The following RIPOR2 variants were observed in gnomAD, a reference collection of about 807,000 sequenced individuals.
The protein encoded by RIPOR2 is RHO family interacting cell polarization regulator 2, also known as rho family-interacting cell polarization regulator 2.
A neutral mutation model predicts 114.5 loss-of-function variants in RIPOR2; 39 were observed. The ratio of observed to expected loss-of-function variants is 0.34; its 90% CI spans 0.26 to 0.44. The LOEUF (loss-of-function observed/expected upper bound fraction) is 0.44, where lower values mean the gene tolerates loss of function less well. Among genes scored for constraint, RIPOR2 ranks in the 20% least tolerant of loss-of-function variants. The pLI is 1.00. For synonymous variants in RIPOR2, 445 were observed against 484.4 expected (o/e 0.92, Z 1.07); for missense variants, 1,007 against 1,255.1 (o/e 0.80, Z 2.99).
intron 1 of RIPOR2, among the ~76,000 whole-genome samples, chr6:24,902,073 T>G (rs756683224): frequency 3.3e-5 from 5 of 152,108 alleles, no homozygotes; most frequent in African/African-American, 1.2e-4. Context: ...AGGAGGCCTG[T>G]GCAGAAGAGA....
intron 1 of RIPOR2, among the ~76,000 whole-genome samples, chr6:25,028,532 A>G (rs115169968): frequency 1.6e-3 from 239 of 152,330 alleles, no homozygotes; most frequent in African/African-American, 5.5e-3. Flanking sequence ...GGATACAATT[A>G]CCAACCTCAT....
intron 1 of RIPOR2, among the ~76,000 whole-genome samples, chr6:24,900,229 C>T (rs1457924451): frequency 1.3e-5 from 2 of 152,080 alleles, no homozygotes; most frequent in Non-Finnish European, 2.9e-5. Flanking sequence ...CATCCACAGC[C>T]GCAGCACAGC....
chr6:24,917,474 T>C lies in RIPOR2; in HGVS notation c.61+18364A>G, dbSNP rs16889784. Among the ~76,000 whole-genome samples, 1,161 of 152,360 alleles carry C rather than the reference T, an allele frequency of 7.6e-3. 16 individuals are homozygous for C. The highest frequency in any genetic ancestry group is 0.025 in the African/African-American group (1,031 of 41,586). ...AGCAGTTGTAGAAGTGATTGGAAAG[T>C]ATCAATATCTACGTGTAAGCACAAT... is the stretch of plus-strand genomic sequence containing the variant. On this transcript the variant is annotated intron_variant, in intron 1 of 21. Coordinates refer to ENST00000643898, the MANE Select transcript of RIPOR2 (RefSeq NM_001286445.3).
In RIPOR2 at chr6:24,872,870, A is replaced by C. The variant is rs1424818757; in HGVS notation, c.423+11T>G. The stretch of plus-strand genomic sequence containing the variant: ...ACAGTGTTAACATCATAATGACTGC[A>C]TAGTACCTACCAGGCGAGAGTTTCT... On this transcript the variant is annotated intron_variant, in intron 4 of 21. Coordinates refer to ENST00000643898, the MANE Select transcript of RIPOR2 (RefSeq NM_001286445.3). 1 of 1,571,724 alleles carries C rather than the reference A, an allele frequency of 6.4e-7. No individual in the cohort carries two copies. Among genetic ancestry groups the C allele is most frequent in the Non-Finnish European group, 8.7e-7 (1 of 1,143,258 alleles).
chr6:24,829,587 A>C (rs1760487767), intron 17 of RIPOR2, among the ~76,000 whole-genome samples: 1 of 152,146 alleles, frequency 6.6e-6, no homozygotes, highest in Non-Finnish European at 1.5e-5. Context: ...TTAAAACATC[A>C]CTGCGTTCCC....
chr6:24,936,982 TC>T (rs1479214111), upstream of RIPOR2, among the ~76,000 whole-genome samples: 10 of 152,164 alleles, frequency 6.6e-5, no homozygotes, highest in African/African-American at 2.4e-4. Context: ...AACTGTCCCC[TC>T]CTCCTGTAAC....
chr6:25,024,553 G>C lies in RIPOR2; in HGVS notation c.76+17298C>G, dbSNP rs373281228. 1.4e-5 allele frequency: 8 copies of C among 574,246 alleles called. 1 individual carries two copies. The highest frequency in any genetic ancestry group is 8.6e-5 in the South Asian group (5 of 57,938). 35.6% of individuals were successfully genotyped at this position (574,246 alleles called of 1,614,324 possible). ...GTCTTCAGGGTGCAGTGAACCACTC[G>C]GGCTCAGGCAGCAGTGGCAGGCGAC... is the stretch of plus-strand genomic sequence containing the variant. On this transcript the variant is annotated intron_variant, in intron 1 of 13. Coordinates refer to the RIPOR2 transcript ENST00000510784.
intron 1 of RIPOR2, among the ~76,000 whole-genome samples, chr6:24,986,548 A>G (rs1774536212): frequency 6.6e-6 from 1 of 152,222 alleles, no homozygotes; most frequent in Non-Finnish European, 1.5e-5. Context: ...GAAAAAAAAA[A>G]GAAACTGAAA....
chr6:24,975,912 T>A (rs1581900335), intron 1 of RIPOR2, among the ~76,000 whole-genome samples: 1 of 152,174 alleles, frequency 6.6e-6, no homozygotes, highest in African/African-American at 2.4e-5. Context: ...GATTGGTTGG[T>A]TGTATAACAA....
At chr6:24,866,240 T>C (rs1764588765) in intron 6 of RIPOR2, among the ~76,000 whole-genome samples, 1 of 152,006 alleles carries the variant, frequency 6.6e-6, no homozygotes, top group African/African-American at 2.4e-5. Context: ...GCAATATAAA[T>C]GAACTTTTCT....
At chr6:24,807,908 A>G (rs1342292013) in intron 21 of RIPOR2, among the ~76,000 whole-genome samples, 1 of 152,224 alleles carries the variant, frequency 6.6e-6, no homozygotes, top group Non-Finnish European at 1.5e-5. Context: ...TCATTTGTGT[A>G]AGAGAAAAAT....
chr6:24,897,300 A>C (rs1465216925), intron 1 of RIPOR2, among the ~76,000 whole-genome samples: 1 of 152,236 alleles, frequency 6.6e-6, no homozygotes, highest in Admixed American at 6.5e-5. Flanking sequence ...ATCATTTGGC[A>C]GGATGAGTTT....
rs189787535 is a variant in RIPOR2 at position 24,864,169 on chromosome 6, T to C, written c.651+1132A>G. ...AAATACAAAAATTAGCCGGGTGTGG[T>C]GGCACACACCTGTAGTCCCAGCTAC... On this transcript the variant is annotated intron_variant, in intron 7 of 21. Coordinates refer to ENST00000643898, the MANE Select transcript of RIPOR2 (RefSeq NM_001286445.3). 1.8e-4 allele frequency among the ~76,000 whole-genome samples: 27 copies of C among 152,128 alleles called. No individual in the cohort carries two copies. The East Asian group carries it at 4.3e-3, about 24-fold the overall frequency.
intron 1 of RIPOR2, among the ~76,000 whole-genome samples, chr6:24,923,561 G>A (rs1479625862): frequency 6.6e-6 from 1 of 152,020 alleles, no homozygotes; most frequent in African/African-American, 2.4e-5. Context: ...GAACTGCTCA[G>A]AGGCTGGGCG....
chr6:24,849,935 C>G lies in RIPOR2; in HGVS notation c.901G>C (p.Gly301Arg), dbSNP rs1184456884. The G allele has an allele frequency of 6.2e-7, 1 of 1,613,596 alleles. No individual in the cohort carries two copies. The highest frequency in any genetic ancestry group is 1.3e-5 in the African/African-American group (1 of 74,866). ...CCTACCAGGATGTGAGTTGCTAGCC[C>G]TTTGAGCTCCGTGACCTAGCAGAGA... ...FISIKVTELK[G>R]LATHILVGSV... The change falls in exon 11 of 22, where the codon GGG becomes CGG. Residue 301 changes from glycine to arginine, a missense_variant. By Grantham distance (125) the Gly-to-Arg change is moderately radical (BLOSUM62 -2). Transcript: ENST00000643898.
At chr6:24,983,485 G>T (rs575531971) in intron 1 of RIPOR2, among the ~76,000 whole-genome samples, 3 of 152,066 alleles carry the variant, frequency 2.0e-5, no homozygotes, top group Non-Finnish European at 4.4e-5. Flanking sequence ...GGCCAGGCGC[G>T]GTGGCTTACG....
At chr6:24,875,285 A>G (rs1029949711) in intron 2 of RIPOR2, among the ~76,000 whole-genome samples, 4 of 152,250 alleles carry the variant, frequency 2.6e-5, no homozygotes, top group South Asian at 4.1e-4. Flanking sequence ...TAGAAAAACT[A>G]ACTTTGGCAA....
intron 1 of RIPOR2, among the ~76,000 whole-genome samples, chr6:24,983,796 T>C (rs1169004411): frequency 6.9e-6 from 1 of 145,296 alleles, no homozygotes; most frequent in Non-Finnish European, 1.5e-5. Flanking sequence ...TGAGTATTTG[T>C]GGAGCAGCTG....
At chr6:24,963,285 G>A (rs1232253396) in intron 1 of RIPOR2, among the ~76,000 whole-genome samples, 6 of 152,042 alleles carry the variant, frequency 3.9e-5, no homozygotes, top group Non-Finnish European at 8.8e-5. Flanking sequence ...CACCAGCCTC[G>A]GCCTCCCAAA....
Sources: allele counts gnomAD v4.1 joint callset (sites outside exome capture counted in the v4.1 genomes callset), GRCh38; gene constraint gnomAD v4.1.1; transcripts MANE v1.5; gene names NCBI Gene and HGNC (gene_info 2026-07-23, HGNC 2026-07-21).